ARHGAP30: variants seen among roughly 807,000 people sequenced by gnomAD.
ARHGAP30 encodes Rho GTPase activating protein 30, also known as rho GTPase-activating protein 30.
Under a neutral mutation model 72.0 loss-of-function variants are expected in ARHGAP30, and 23 were observed. The ratio of observed to expected loss-of-function variants is 0.32; its 90% CI spans 0.23 to 0.45. The LOEUF (loss-of-function observed/expected upper bound fraction) is 0.45. Ranked by LOEUF, ARHGAP30 falls within the 20% of genes least tolerant of loss-of-function variation. ARHGAP30 has a pLI of 1.00. For synonymous variants in ARHGAP30, 576 were observed against 528.2 expected (o/e 1.09, Z -1.24); for missense variants, 1,319 against 1,383.4 (o/e 0.95, Z 0.74).
intron 1 of ARHGAP30, among the ~76,000 whole-genome samples, chr1:161,068,758 G>A (rs1557938878): frequency 6.6e-6 from 1 of 152,030 alleles, no homozygotes; most frequent in Non-Finnish European, 1.5e-5. Flanking sequence ...TGGCTTCAAA[G>A]CCCACTCTAA....
chr1:161,047,846 CT>C lies in ARHGAP30; in HGVS notation c.3174del (p.Ser1060LeufsTer44), dbSNP rs761384867. On this transcript the variant is annotated frameshift_variant, in exon 12 of 12. Coordinates refer to ENST00000368013, the MANE Select transcript of ARHGAP30 (RefSeq NM_001025598.2). LOFTEE classifies it high-confidence loss of function. Reference sequence around the variant, plus strand: ...CTAAGACGACTCCGGGATCCAGACCCTTCTGCACCTTCAGATGGGAGCTCCA... The same window carrying C: ...CTAAGACGACTCCGGGATCCAGACCCTCTGCACCTTCAGATGGGAGCTCCA... ...SCLELPSEGA[E>X]GSGSRSRLSL... The C allele has an allele frequency of 6.2e-7, 1 of 1,611,750 alleles. No individual in the cohort carries two copies. The highest frequency in any genetic ancestry group is 1.1e-5 in the South Asian group (1 of 90,744).
At chr1:161,053,468 CT>C (rs1651579273) in intron 5 of ARHGAP30, 83 bp from the exon 6 acceptor site, 4 of 590,548 alleles carry the variant, frequency 6.8e-6, no homozygotes, top group Non-Finnish European at 8.9e-6. Context: ...CTTATTCTCT[CT>C]CTCTCTCTCT....
intron 10 of ARHGAP30, among the ~76,000 whole-genome samples, chr1:161,050,269 C>A (rs1451354186): frequency 6.6e-6 from 1 of 150,756 alleles, no homozygotes. Flanking sequence ...TGAAACAAAC[C>A]AATCCTGCAA....
chr1:161,051,122 A>G (rs1275592499), intron 10 of ARHGAP30, among the ~76,000 whole-genome samples, 192 bp downstream of exon 10: 2 of 152,248 alleles, frequency 1.3e-5, no homozygotes, highest in Non-Finnish European at 2.9e-5. Context: ...TCTCCTCTCC[A>G]TAGATTTCAC....
chr1:161,066,893 G>A (rs772672166), intron 1 of ARHGAP30, among the ~76,000 whole-genome samples: 4 of 152,074 alleles, frequency 2.6e-5, no homozygotes, highest in Admixed American at 6.6e-5. Context: ...GTACTCTCGG[G>A]TGCCTAATGC....
chr1:161,061,312 C>G (rs184646138), intron 1 of ARHGAP30, among the ~76,000 whole-genome samples: 1,708 of 124,438 alleles, frequency 0.014, 21 homozygotes, highest in Non-Finnish European at 0.019. Context: ...ATTACAGACA[C>G]GCGCCACCAC....
At chr1:161,068,452 C>G (rs1282626889) in intron 1 of ARHGAP30, among the ~76,000 whole-genome samples, 1 of 151,952 alleles carries the variant, frequency 6.6e-6, no homozygotes, top group African/African-American at 2.4e-5. Flanking sequence ...GACGCAGGGG[C>G]GGGGCTAAGA....
chr1:161,047,697 C>G lies in ARHGAP30; in HGVS notation c.*18G>C. Reference sequence around the variant, plus strand: ...AAGACAACTTGCTGGTCCCCTTTGCCCAGGGCTGTGGTCCTAATCACAGTC... The same window carrying G: ...AAGACAACTTGCTGGTCCCCTTTGCGCAGGGCTGTGGTCCTAATCACAGTC... On this transcript the variant is annotated 3_prime_UTR_variant, in exon 12 of 12. Coordinates refer to ENST00000368013, the MANE Select transcript of ARHGAP30 (RefSeq NM_001025598.2). 6.6e-7 allele frequency: 1 copy of G among 1,506,494 alleles called. No individual in the cohort carries two copies. Among genetic ancestry groups the G allele is most frequent in the Non-Finnish European group, 8.9e-7 (1 of 1,128,070 alleles). The allele number at this position is 1,506,494 out of a possible 1,614,324, so 93.3% of individuals were successfully genotyped here. A position where few individuals can be genotyped will look rare whatever the true frequency, so the allele number is the denominator to read the frequency against.
chr1:161,049,840 T>A, intron 10 of ARHGAP30, 151 bp from the exon 11 acceptor site: 1 of 1,115,440 alleles, frequency 9.0e-7, no homozygotes, highest in South Asian at 1.6e-5. Flanking sequence ...TCCCTAGTTA[T>A]TGGCTTGCTA....
intron 2 of ARHGAP30, 91 bp downstream of exon 2, chr1:161,059,523 C>T (rs1238996618): frequency 2.7e-6 from 3 of 1,093,654 alleles, no homozygotes; most frequent in Non-Finnish European, 4.0e-6. Context: ...GCCTCTCACT[C>T]CCCATCTCTG....
chr1:161,053,506 C>CTCTCTCTT lies in ARHGAP30; in HGVS notation c.537-122_537-121insAAGAGAGA, dbSNP rs1553217361. 1.8e-4 allele frequency: 154 copies of CTCTCTCTT among 842,968 alleles called. No homozygotes were observed. The African/African-American group carries it at 9.3e-3, about 51-fold the overall frequency. The allele number at this position is 842,968 out of a possible 1,614,324, so 52.2% of individuals were successfully genotyped here. On this transcript the variant is annotated intron_variant, in intron 5 of 11. Coordinates refer to ENST00000368013, the MANE Select transcript of ARHGAP30 (RefSeq NM_001025598.2). ...TCTCTCTCTCTCTCTCTCTCTCTCT[C>CTCTCTCTT]GAATGACCTTAACCCCTTCTCTACC...
At chr1:161,065,391 A>G (rs560749944) in intron 1 of ARHGAP30, among the ~76,000 whole-genome samples, 1 of 152,004 alleles carries the variant, frequency 6.6e-6, no homozygotes, top group Non-Finnish European at 1.5e-5. Context: ...TTTTCCTTCA[A>G]CCCAATTCCT....
rs140467510 is a variant in ARHGAP30, at chr1:161,048,001, C to T, written c.3020G>A (p.Arg1007His). 2.4e-5 allele frequency: 39 copies of T among 1,614,126 alleles called. No homozygotes were observed. In the African/African-American group the frequency reaches 3.2e-4, roughly 13 times the overall value. Residue 1007 changes from arginine (R) to histidine (H), a missense_variant, in exon 12 of 12, where the codon CGC becomes CAC. Physicochemically the swap from Arg to His is conservative, Grantham distance 29. Coordinates refer to ENST00000368013, the MANE Select transcript of ARHGAP30 (RefSeq NM_001025598.2). ...FDAAVALARD[R>H]QRTEAQGVRR... ...AACTCCTTGAGCCTCAGTCCTTTGG[C>T]GGTCCCGGGCTAGGGCCACAGCAGC...
rs536612419 is a variant in ARHGAP30, at chr1:161,047,102, A to G, written c.*613T>C. 4.8e-6 allele frequency: 2 copies of G among 420,796 alleles called. No individual in the cohort carries two copies. Among genetic ancestry groups the G allele is most frequent in the African/African-American group, 4.2e-5 (2 of 47,890 alleles). 26.1% of individuals were successfully genotyped at this position (420,796 alleles called of 1,614,324 possible). On this transcript the variant is annotated 3_prime_UTR_variant, in exon 12 of 12. Coordinates refer to ENST00000368013, the MANE Select transcript of ARHGAP30 (RefSeq NM_001025598.2). ...TTCCAAAGGAGAAAGGAGAGCCCAG[A>G]GAGATCTGTACAGGACCTCTCTTGC...
At position 161,048,955 on chromosome 1, in the gene ARHGAP30, C is replaced by T. The variant is rs1386052630; in HGVS notation, c.2066G>A (p.Ser689Asn). 5.0e-6 allele frequency: 8 copies of T among 1,614,002 alleles called. No individual in the cohort carries two copies. The highest frequency in any genetic ancestry group is 1.1e-5 in the South Asian group (1 of 91,076). The change falls in exon 12 of 12, where the codon AGT becomes AAT. Residue 689 changes from serine (S) to asparagine (N), a missense_variant. By Grantham distance (46) the Ser-to-Asn change is conservative. Transcript: ENST00000368013. ...PETKVEAGKA[S>N]EDRGEAGGSQ... is the part of the protein sequence containing the mutation. The stretch of plus-strand genomic sequence containing the variant: ...TCCCCCAGCCTCCCCTCTATCCTCA[C>T]TGGCCTTTCCAGCCTCCACCTTGGT...
rs181884600 is a variant in ARHGAP30, at chr1:161,047,609, G to A, written c.*106C>T. On this transcript the variant is annotated 3_prime_UTR_variant, in exon 12 of 12. Transcript: ENST00000368013. ...AGAAGCTGGAGGGCCAAAGCCTATAGAGTTGGGCACTACAGCTGCTCATGC... is the reference window on the plus strand; with the variant it reads ...AGAAGCTGGAGGGCCAAAGCCTATAAAGTTGGGCACTACAGCTGCTCATGC... The A allele has an allele frequency of 1.1e-4, 136 of 1,275,136 alleles. No individual in the cohort carries two copies. In the African/African-American group the frequency reaches 1.8e-3, roughly 17 times the overall value. 79.0% of individuals were successfully genotyped at this position (1,275,136 alleles called of 1,614,324 possible). A position where few individuals can be genotyped will look rare whatever the true frequency, so the allele number is the denominator to read the frequency against.
intron 1 of ARHGAP30, among the ~76,000 whole-genome samples, chr1:161,060,511 C>G (rs1652234534): frequency 2.7e-5 from 4 of 149,188 alleles, no homozygotes; most frequent in Non-Finnish European, 5.9e-5. Context: ...GCAAGAGAAT[C>G]ACTTGAACCA....
rs753681564 is a variant in ARHGAP30 at position 161,052,337 on chromosome 1, G to T, written c.967C>A (p.Arg323=). The T allele has an allele frequency of 6.2e-7, 1 of 1,613,984 alleles. No homozygotes were observed. Among genetic ancestry groups the T allele is most frequent in the Non-Finnish European group, 8.5e-7 (1 of 1,180,012 alleles). ...AGTGAGTCCATGCTTTTGGCTGGCC[G>T]CAGTGTCCCCTTGTTGGATTTATCC... ...REDKSNKGTL[R]PAKSMDSLSA... is the part of the protein sequence containing the mutation. Residue 323 remains arginine (R), a synonymous_variant, in exon 9 of 12, where the codon CGG becomes AGG. Transcript: ENST00000368013.
In ARHGAP30 at chr1:161,049,046, C is replaced by G. The variant is rs1030212838; in HGVS notation, c.1975G>C (p.Glu659Gln). ...CCTCCAGGCTCAGCCTGCTTGTCCT[C>G]CCCAACTTCCCAGCATGCCTGCTCT... is the stretch of plus-strand genomic sequence containing the variant. ...GEEQACWEVG[E>Q]DKQAEPGGRL... is the part of the protein sequence containing the mutation. The change falls in exon 12 of 12, where the codon GAG (glutamate) becomes CAG (glutamine). Residue 659 changes from glutamate to glutamine, a missense_variant. Around this residue, in one of 2 missense-constraint regions of ARHGAP30, gnomAD observed 1,097 missense variants for 1,045.2 expected, o/e 1.05. Coordinates refer to ENST00000368013, the MANE Select transcript of ARHGAP30 (RefSeq NM_001025598.2). The G allele has an allele frequency of 6.2e-7, 1 of 1,614,102 alleles. No homozygotes were observed. The highest frequency in any genetic ancestry group is 8.5e-7 in the Non-Finnish European group (1 of 1,180,024).
Sources: gnomAD v4.1 joint callset for allele counts (sites outside exome capture counted in the v4.1 genomes callset) on GRCh38, gnomAD v4.1.1 for gene constraint, gnomAD v4.1.1 regional missense constraint, MANE v1.5 for transcripts, NCBI Gene and HGNC (gene_info 2026-07-23, HGNC 2026-07-21) for gene names.